Variants in ENOX1 observed in about 807,000 individuals in gnomAD.
The protein encoded by ENOX1 is candidate growth-related and time keeping constitutive hydroquinone (NADH) oxidase.
A neutral mutation model predicts 82.5 loss-of-function variants in ENOX1; 42 were observed. The ratio of observed to expected loss-of-function variants is 0.51; its 90% CI spans 0.40 to 0.66. ENOX1 has a LOEUF of 0.66. Ranked by LOEUF, ENOX1 falls within the 30% of genes least tolerant of loss-of-function variation. The probability of loss-of-function intolerance (pLI) is 0.00; values close to 1 mark genes in which losing one functional copy is unlikely to be tolerated. For synonymous variants in ENOX1, 271 were observed against 282.2 expected, an observed-to-expected ratio of 0.96 and a Z score of 0.40; for missense variants, 608 against 811.6, an observed-to-expected ratio of 0.75 and a Z score of 3.05.
intron 1 of ENOX1, among the ~76,000 whole-genome samples, chr13:43,744,203 G>A (rs1949903347): frequency 6.6e-6 from 1 of 152,102 alleles, no homozygotes; most frequent in Non-Finnish European, 1.5e-5. Context: ...AATGGCATTA[G>A]TTAATGTTCC....
At chr13:43,314,248 G>A (rs1422991577) in intron 11 of ENOX1, among the ~76,000 whole-genome samples, 1 of 152,210 alleles carries the variant, frequency 6.6e-6, no homozygotes, top group Non-Finnish European at 1.5e-5. Flanking sequence ...CCATTTAGAT[G>A]TGGGAGAGCT....
At chr13:43,487,367 T>A (rs570708814) in intron 2 of ENOX1, among the ~76,000 whole-genome samples, 6 of 152,102 alleles carry the variant, frequency 3.9e-5, no homozygotes, top group Admixed American at 2.6e-4. Context: ...AGAGACATGA[T>A]TAGGCATTTA....
chr13:43,721,958 C>T (rs975296524), intron 1 of ENOX1, among the ~76,000 whole-genome samples: 2 of 152,164 alleles, frequency 1.3e-5, no homozygotes, highest in Non-Finnish European at 2.9e-5. Context: ...AATAACCCTG[C>T]TCTCGACTCT....
At position 43,439,774 on chromosome 13, in the gene ENOX1, G is replaced by A. The variant is rs1020617404; in HGVS notation, c.-74-26786C>T. On this transcript the variant is annotated intron_variant, in intron 3 of 16. Transcript: ENST00000690772. ...TGAAAGCAAGCATTCTGTTTCTTTT[G>A]TTCACTATCGTGTATGTAAGCACTG... Among the ~76,000 whole-genome samples, 13 of 151,888 alleles carry A rather than the reference G, an allele frequency of 8.6e-5. No individual in the cohort carries two copies. The East Asian group carries it at 1.7e-3, about 20-fold the overall frequency.
At chr13:43,321,941 A>G (rs904067646) in intron 11 of ENOX1, among the ~76,000 whole-genome samples, 1 of 152,224 alleles carries the variant, frequency 6.6e-6, no homozygotes, top group Non-Finnish European at 1.5e-5. Flanking sequence ...CAGCCTTTTA[A>G]TTACAGATTA....
intron 1 of ENOX1, among the ~76,000 whole-genome samples, chr13:43,739,584 G>T (rs114502123): frequency 6.6e-6 from 1 of 150,460 alleles, no homozygotes; most frequent in East Asian, 1.9e-4. Context: ...TATAATAAAT[G>T]TATTTATTTA....
chr13:43,577,769 G>A (rs954811692), intron 2 of ENOX1, among the ~76,000 whole-genome samples: 3 of 152,140 alleles, frequency 2.0e-5, no homozygotes, highest in Admixed American at 1.3e-4. Context: ...TGTAGAAGGA[G>A]GAATATTGCA....
At chr13:43,629,632 G>T (rs2083120464) in intron 2 of ENOX1, among the ~76,000 whole-genome samples, 1 of 152,140 alleles carries the variant, frequency 6.6e-6, no homozygotes, top group Admixed American at 6.5e-5. Flanking sequence ...TTACCTAATT[G>T]CCTTCCATAC....
intron 2 of ENOX1, among the ~76,000 whole-genome samples, chr13:43,662,917 G>A (rs1470261661): frequency 6.6e-6 from 1 of 152,148 alleles, no homozygotes; most frequent in Non-Finnish European, 1.5e-5. Context: ...GAATTCACAA[G>A]GGATAAAATC....
At chr13:43,676,355 G>C (rs111966993) in intron 1 of ENOX1, among the ~76,000 whole-genome samples, 187 of 152,268 alleles carry the variant, frequency 1.2e-3, no homozygotes, top group African/African-American at 4.2e-3. Context: ...GCTAGGGGCA[G>C]GACTGGGAAG....
At chr13:43,435,233 C>T (rs990919177) in intron 3 of ENOX1, among the ~76,000 whole-genome samples, 3 of 152,120 alleles carry the variant, frequency 2.0e-5, no homozygotes, top group African/African-American at 7.2e-5. Flanking sequence ...AATGAAAACA[C>T]AGGACTCCTA....
chr13:43,445,169 G>C (rs1233678381), intron 3 of ENOX1, among the ~76,000 whole-genome samples: 3 of 150,200 alleles, frequency 2.0e-5, no homozygotes, highest in African/African-American at 7.4e-5. Context: ...TGTTGCCCAG[G>C]CTGGGGCACA....
chr13:43,282,435 G>T (rs2045439416), intron 12 of ENOX1, among the ~76,000 whole-genome samples: 1 of 150,912 alleles, frequency 6.6e-6, no homozygotes, highest in African/African-American at 2.4e-5. Flanking sequence ...GTTAGTTAAA[G>T]ATTGGTATTC....
chr13:43,456,910 C>A (rs980489629), intron 3 of ENOX1, among the ~76,000 whole-genome samples: 4 of 152,138 alleles, frequency 2.6e-5, no homozygotes, highest in African/African-American at 9.7e-5. Flanking sequence ...CTCAGTGCAC[C>A]TCAGCTATTC....
intron 2 of ENOX1, among the ~76,000 whole-genome samples, chr13:43,642,132 A>C (rs766017449): frequency 4.6e-5 from 7 of 152,226 alleles, no homozygotes; most frequent in Admixed American, 6.5e-5. Context: ...ACATATGCTA[A>C]TAATCAATTC....
intron 1 of ENOX1, among the ~76,000 whole-genome samples, chr13:43,740,294 G>A (rs1179139662): frequency 6.6e-6 from 1 of 152,120 alleles, no homozygotes; most frequent in Non-Finnish European, 1.5e-5. Context: ...TACTCTGAAA[G>A]AGAAGGGAAA....
intron 2 of ENOX1, among the ~76,000 whole-genome samples, chr13:43,541,539 A>T (rs1440098601): frequency 6.6e-6 from 1 of 152,118 alleles, no homozygotes; most frequent in African/African-American, 2.4e-5. Flanking sequence ...ATAAAACTGA[A>T]CAGTGCACCA....
chr13:43,732,484 C>T (rs1186496696), intron 1 of ENOX1, among the ~76,000 whole-genome samples: 1 of 152,120 alleles, frequency 6.6e-6, no homozygotes, highest in African/African-American at 2.4e-5. Flanking sequence ...TCATTTTCTA[C>T]CAAGTCATTG....
chr13:43,573,288 G>T (rs2080264580), intron 2 of ENOX1, among the ~76,000 whole-genome samples: 1 of 152,024 alleles, frequency 6.6e-6, no homozygotes, highest in Non-Finnish European at 1.5e-5. Context: ...TCTTTAAATT[G>T]GCACCATTCT....
Sources: gnomAD v4.1 joint callset for allele counts (sites outside exome capture counted in the v4.1 genomes callset) on GRCh38, gnomAD v4.1.1 for gene constraint, MANE v1.5 for transcripts, NCBI Gene and HGNC (gene_info 2026-07-23, HGNC 2026-07-21) for gene names.